The following ZDHHC7 variants were observed in gnomAD, a reference collection of about 807,000 sequenced individuals.
The protein encoded by ZDHHC7 is palmitoyltransferase ZDHHC7.
Under a neutral mutation model 34.1 loss-of-function variants are expected in ZDHHC7, and 12 were observed. The ratio of observed to expected loss-of-function variants is 0.35; its 90% CI spans 0.23 to 0.57. The LOEUF is 0.57. Ranked by LOEUF, ZDHHC7 falls within the 20% of genes least tolerant of loss-of-function variation. The pLI, the probability that ZDHHC7 is intolerant of heterozygous loss-of-function variation, is 0.84. For synonymous variants in ZDHHC7, 185 were observed against 155.4 expected, an observed-to-expected ratio of 1.19 and a Z score of -1.42; for missense variants, 388 against 402.7, an observed-to-expected ratio of 0.96 and a Z score of 0.31.
At chr16:85,008,341 C>G (rs1457213421) in intron 1 of ZDHHC7, among the ~76,000 whole-genome samples, 3 of 151,970 alleles carry the variant, frequency 2.0e-5, no homozygotes, top group Non-Finnish European at 4.4e-5. Flanking sequence ...CTCAGGTGAG[C>G]TTCCCAGGCT....
Position 84,982,508 on chromosome 16 carries a change from G to C in ZDHHC7, c.316-514C>G, listed in dbSNP as rs2072383976. Among the ~76,000 whole-genome samples, 11 of 152,164 alleles carry C rather than the reference G, an allele frequency of 7.2e-5. No individual in the cohort carries two copies. In the South Asian group the frequency reaches 2.1e-3, roughly 29 times the overall value. ...CCCAGGTGGGGCAGGGAACCTCTTT[G>C]CACACCACTTCCCTGTAGCCCCTGC... On this transcript the variant is annotated intron_variant, in intron 3 of 7. Transcript: ENST00000313732.
intron 1 of ZDHHC7, among the ~76,000 whole-genome samples, chr16:85,006,539 A>T (rs889004875): frequency 8.6e-5 from 13 of 151,818 alleles, no homozygotes; most frequent in African/African-American, 1.4e-4. Flanking sequence ...CATGGAGTTC[A>T]AGACAGGCCT....
At chr16:84,977,611 A>T (rs956067400) in intron 6 of ZDHHC7, among the ~76,000 whole-genome samples, 1 of 152,188 alleles carries the variant, frequency 6.6e-6, no homozygotes, top group South Asian at 2.1e-4. Flanking sequence ...ACCTCACTGC[A>T]TATCTAAGGT....
chr16:85,023,357 G>A, the ZDHHC7 span, among the ~76,000 whole-genome samples: 1 of 152,000 alleles, frequency 6.6e-6, no homozygotes, highest in Non-Finnish European at 1.5e-5. Context: ...TAGAGACAGG[G>A]TTTCACCGTG....
chr16:84,978,428 T>G (rs968313795), intron 5 of ZDHHC7, among the ~76,000 whole-genome samples: 2 of 152,182 alleles, frequency 1.3e-5, no homozygotes, highest in Non-Finnish European at 2.9e-5. Flanking sequence ...TTAGACCAAG[T>G]AGAATAATTT....
At chr16:85,003,713 G>A (rs1332893089) in intron 1 of ZDHHC7, among the ~76,000 whole-genome samples, 1 of 152,112 alleles carries the variant, frequency 6.6e-6, no homozygotes, top group Admixed American at 6.6e-5. Context: ...TTTCTAGAAG[G>A]GCATTTCATA....
chr16:84,981,345 A>T (rs900883366), intron 4 of ZDHHC7, among the ~76,000 whole-genome samples: 77 of 152,228 alleles, frequency 5.1e-4, no homozygotes, highest in Admixed American at 7.9e-4. Flanking sequence ...AATACAAAAA[A>T]ACAAAACAAC....
rs549392684 is a variant in ZDHHC7 at position 84,990,677 on chromosome 16, C to T, written c.-17-42G>A. On this transcript the variant is annotated intron_variant, in intron 2 of 7. Coordinates refer to ENST00000313732, the MANE Select transcript of ZDHHC7 (RefSeq NM_017740.3). ...CACAGAGCTGGTAAGGCTCAAAAAGCTCACAAGCTACCTTAAATATGATGT... is the reference window on the plus strand; with the variant it reads ...CACAGAGCTGGTAAGGCTCAAAAAGTTCACAAGCTACCTTAAATATGATGT... 257 of 1,533,292 alleles carry T rather than the reference C, an allele frequency of 1.7e-4. 1 individual carries two copies. In the African/African-American group the frequency reaches 3.3e-3, roughly 20 times the overall value. 95.0% of individuals were successfully genotyped at this position (1,533,292 alleles called of 1,614,324 possible). A position where few individuals can be genotyped will look rare whatever the true frequency, so the allele number is the denominator to read the frequency against.
At chr16:85,026,499 G>T in the ZDHHC7 span, among the ~76,000 whole-genome samples, 4 of 152,078 alleles carry the variant, frequency 2.6e-5, no homozygotes, top group South Asian at 8.3e-4. Context: ...GGTGCTGAAG[G>T]CTCCATAACC....
chr16:85,001,929 A>T (rs7202630), intron 1 of ZDHHC7, among the ~76,000 whole-genome samples: 95,330 of 151,230 alleles, frequency 0.63, 32,302 homozygotes, highest in African/African-American at 0.88. Context: ...AAAAAAAATA[A>T]ATATATATAC....
At chr16:85,006,366 T>C (rs1161896469) in intron 1 of ZDHHC7, among the ~76,000 whole-genome samples, 1 of 151,626 alleles carries the variant, frequency 6.6e-6, no homozygotes, top group East Asian at 1.9e-4. Context: ...CTCAAAAAAA[T>C]TAAAAACCTA....
In ZDHHC7 at chr16:84,983,852, T is replaced by C. The variant is rs373305272; in HGVS notation, c.316-1858A>G. Among the ~76,000 whole-genome samples the C allele has an allele frequency of 2.1e-4, 32 of 150,978 alleles. No individual in the cohort carries two copies. In the South Asian group the frequency reaches 6.7e-3, roughly 32 times the overall value. On this transcript the variant is annotated intron_variant, in intron 3 of 7. Transcript: ENST00000313732. ...CCATCTCTACTAAAAATACAAAAAT[T>C]AGCTGGGCGTGGTGGCCTGCGCTTG...
At position 85,009,045 on chromosome 16, in the gene ZDHHC7, C is replaced by CA. The variant is rs58054151; in HGVS notation, c.-104+2240dup. Among the ~76,000 whole-genome samples, 89 of 138,882 alleles carry CA rather than the reference C, an allele frequency of 6.4e-4. 1 individual carries two copies. Among genetic ancestry groups the CA allele is most frequent in the Middle Eastern group, 3.6e-3 (1 of 280 alleles). 91.1% of individuals were successfully genotyped at this position (138,882 alleles called of 152,430 possible). On this transcript the variant is annotated intron_variant, in intron 1 of 7. Transcript: ENST00000313732. ...GGGCAACAAGAGCGAAACTCCGTCT[C>CA]AAAAAAAAAAAAAAAGTACTTCTAA...
chr16:85,027,577 C>A, the ZDHHC7 span, among the ~76,000 whole-genome samples: 1 of 152,222 alleles, frequency 6.6e-6, no homozygotes, highest in Non-Finnish European at 1.5e-5. Context: ...AGCAAGGGGG[C>A]GCCGGGCGTA....
chr16:84,999,337 C>A (rs986579883), intron 1 of ZDHHC7, among the ~76,000 whole-genome samples: 3 of 152,116 alleles, frequency 2.0e-5, no homozygotes, highest in Non-Finnish European at 4.4e-5. Flanking sequence ...CAAATACCTA[C>A]CCTGTGACTC....
chr16:84,985,083 T>A (rs1027950362), intron 3 of ZDHHC7, among the ~76,000 whole-genome samples: 3 of 152,180 alleles, frequency 2.0e-5, no homozygotes, highest in Admixed American at 2.0e-4. Flanking sequence ...TGTTTCCCAC[T>A]CATCTTCTTG....
intron 1 of ZDHHC7, among the ~76,000 whole-genome samples, chr16:85,004,566 G>A (rs1305266664): frequency 7.7e-6 from 1 of 130,120 alleles, no homozygotes; most frequent in Non-Finnish European, 1.6e-5. Context: ...CCATGGCCTA[G>A]AAAGCCCCAC....
chr16:84,983,722 C>T lies in ZDHHC7; in HGVS notation c.316-1728G>A, dbSNP rs920983169. On this transcript the variant is annotated intron_variant, in intron 3 of 7. Coordinates refer to ENST00000313732, the MANE Select transcript of ZDHHC7 (RefSeq NM_017740.3). ...CAGAATAAGTAAAACATTTTACTGGCTGGGCAGGGTGGCTCACGGCTTTAA... is the reference window on the plus strand; with the variant it reads ...CAGAATAAGTAAAACATTTTACTGGTTGGGCAGGGTGGCTCACGGCTTTAA... 3.9e-4 allele frequency among the ~76,000 whole-genome samples: 59 copies of T among 152,086 alleles called. 1 individual carries two copies. The highest frequency in any genetic ancestry group is 8.1e-4 in the Non-Finnish European group (55 of 68,010).
At chr16:85,025,083 C>T in the ZDHHC7 span, among the ~76,000 whole-genome samples, 1 of 152,074 alleles carries the variant, frequency 6.6e-6, no homozygotes, top group Admixed American at 6.6e-5. Flanking sequence ...TCGAGACCAG[C>T]CTGGCCAACA....
Sources: gnomAD v4.1 joint callset for allele counts (sites outside exome capture counted in the v4.1 genomes callset) on GRCh38, gnomAD v4.1.1 for gene constraint, MANE v1.5 for transcripts, NCBI Gene and HGNC (gene_info 2026-07-23, HGNC 2026-07-21) for gene names.